Variants in ARFGAP3 observed in about 807,000 individuals in gnomAD.
ARFGAP3 encodes the protein ARF GTPase activating protein 3.
ARFGAP3 carries 72 observed loss-of-function variants against 75.0 expected under a neutral mutation model. The ratio of observed to expected loss-of-function variants is 0.96; its 90% CI spans 0.79 to 1.17. The LOEUF is 1.17. Among genes scored for constraint, ARFGAP3 ranks in the 50% most tolerant of loss-of-function variants. The probability of loss-of-function intolerance (pLI) is 0.00; values close to 1 mark genes in which losing one functional copy is unlikely to be tolerated. For missense variants in ARFGAP3, 620 were observed against 626.6 expected (o/e 0.99, Z 0.11); for synonymous variants, 221 against 217.9 (o/e 1.01, Z -0.13).
At chr22:42,822,533 G>GA in intron 8 of ARFGAP3, 124 bp from the exon 9 acceptor site, 4 of 1,213,700 alleles carry the variant, frequency 3.3e-6, no homozygotes, top group African/African-American at 1.5e-5. Context: ...TTGTTCTGTG[G>GA]CTTAGTCCTC....
intron 3 of ARFGAP3, 77 bp from the exon 4 acceptor site, chr22:42,835,570 C>T (rs1035305201): frequency 3.9e-6 from 6 of 1,556,412 alleles, no homozygotes; most frequent in East Asian, 4.7e-5. Context: ...GCCTGTAATC[C>T]CAGCACTCTG....
At chr22:42,807,343 C>T in intron 13 of ARFGAP3, 180 bp from the exon 14 acceptor site, 1 of 846,186 alleles carries the variant, frequency 1.2e-6, no homozygotes, top group Non-Finnish European at 1.4e-6. Flanking sequence ...TCATGTTCTG[C>T]ATGGGAGGCA....
Position 42,847,601 on chromosome 22 carries a change from C to T in ARFGAP3, c.101G>A (p.Ser34Asn). 1 of 1,612,770 alleles carries T rather than the reference C, an allele frequency of 6.2e-7. No homozygotes were observed. The highest frequency in any genetic ancestry group is 8.5e-7 in the Non-Finnish European group (1 of 1,179,438). Residue 34 changes from serine to asparagine, a missense_variant, in exon 2 of 16, where the codon AGC becomes AAC. By Grantham distance (46) the Ser-to-Asn change is conservative. Transcript: ENST00000263245. ...VCFDCGAKNP[S>N]WASITYGVFL... is the part of the protein sequence containing the mutation. Reference sequence around the variant, plus strand: ...CACTCCATAGGTTATGCTTGCCCAGCTGGGATTTTTGGCACCACAATCAAA... The same window carrying T: ...CACTCCATAGGTTATGCTTGCCCAGTTGGGATTTTTGGCACCACAATCAAA...
chr22:42,831,939 C>T (rs905822537), intron 5 of ARFGAP3, among the ~76,000 whole-genome samples: 12 of 152,148 alleles, frequency 7.9e-5, no homozygotes, highest in African/African-American at 2.6e-4. Flanking sequence ...TGTGCCACCA[C>T]GCCCAGCTAA....
chr22:42,812,224 C>CAA (rs3046479), intron 11 of ARFGAP3, among the ~76,000 whole-genome samples: 9,589 of 55,218 alleles, frequency 0.17, 1,506 homozygotes, highest in East Asian at 0.54. Context: ...GATACTGTCT[C>CAA]AAAAAAAAAA....
Position 42,797,406 on chromosome 22 carries a change from A to G in ARFGAP3, c.*182T>C. ...AGGAACGTGAAACAGAAATCACAGG[A>G]AAGCTCCTACATCAGAACTCAGAAT... On this transcript the variant is annotated 3_prime_UTR_variant, in exon 16 of 16. Transcript: ENST00000263245. 1.4e-6 allele frequency: 1 copy of G among 715,882 alleles called. No homozygotes were observed. The highest frequency in any genetic ancestry group is 1.9e-5 in the South Asian group (1 of 52,790). The allele number at this position is 715,882 out of a possible 1,614,324, so 44.3% of individuals were successfully genotyped here.
intron 6 of ARFGAP3, among the ~76,000 whole-genome samples, chr22:42,827,937 G>A (rs9611924): frequency 0.049 from 7,428 of 152,108 alleles, 288 homozygotes; most frequent in African/African-American, 0.11. Context: ...GAGCTACCGC[G>A]CCCAACCATA....
chr22:42,808,834 T>C lies in ARFGAP3; in HGVS notation c.1253A>G (p.Gln418Arg), dbSNP rs748331718. 6.2e-7 allele frequency: 1 copy of C among 1,613,904 alleles called. No homozygotes were observed. The highest frequency in any genetic ancestry group is 8.5e-7 in the Non-Finnish European group (1 of 1,179,846). ...GGCCTTGACATTGCCAAACTTCTTC[T>C]GGGCCTCATCTGTATTTTCAACTGG... ...YEPVENTDEA[Q>R]KKFGNVKAIS... Residue 418 changes from glutamine (Q) to arginine (R), a missense_variant, in exon 13 of 16, where the codon CAG (glutamine) becomes CGG (arginine). Gln to Arg is a conservative substitution (Grantham distance 43). Coordinates refer to ENST00000263245, the MANE Select transcript of ARFGAP3 (RefSeq NM_014570.5).
intron 13 of ARFGAP3, among the ~76,000 whole-genome samples, chr22:42,807,726 G>A (rs146951133): frequency 3.9e-5 from 6 of 152,032 alleles, no homozygotes; most frequent in East Asian, 1.9e-4. Context: ...GAGGAAAGAC[G>A]TAAACCTCCC....
rs1038679551 is a variant in ARFGAP3, at chr22:42,857,075, G to A, written c.69+39C>T. Reference sequence around the variant, plus strand: ...GCGGGGCCTCCCGCCGGTTCCCGCAGGGATGCCAGGCAGGCCCGCACTCGC... The same window carrying A: ...GCGGGGCCTCCCGCCGGTTCCCGCAAGGATGCCAGGCAGGCCCGCACTCGC... On this transcript the variant is annotated intron_variant, in intron 1 of 15. Coordinates refer to ENST00000263245, the MANE Select transcript of ARFGAP3 (RefSeq NM_014570.5). 8.1e-6 allele frequency: 12 copies of A among 1,483,764 alleles called. No individual in the cohort carries two copies. In the African/African-American group the frequency reaches 1.6e-4, roughly 20 times the overall value. The allele number at this position is 1,483,764 out of a possible 1,614,324, so 91.9% of individuals were successfully genotyped here. A position where few individuals can be genotyped will look rare whatever the true frequency, so the allele number is the denominator to read the frequency against.
At chr22:42,816,212 G>A (rs1925572749) in intron 11 of ARFGAP3, among the ~76,000 whole-genome samples, 1 of 152,200 alleles carries the variant, frequency 6.6e-6, no homozygotes, top group African/African-American at 2.4e-5. Flanking sequence ...TAAGAGCCAA[G>A]CACCATTCTA....
At chr22:42,813,851 T>C (rs1925471455) in intron 11 of ARFGAP3, among the ~76,000 whole-genome samples, 1 of 152,230 alleles carries the variant, frequency 6.6e-6, no homozygotes, top group Non-Finnish European at 1.5e-5. Flanking sequence ...CAGACTTTCC[T>C]TCCTCATCTC....
chr22:42,823,477 C>T (rs976321467), intron 8 of ARFGAP3, among the ~76,000 whole-genome samples, 179 bp downstream of exon 8: 2 of 151,820 alleles, frequency 1.3e-5, no homozygotes, highest in African/African-American at 2.4e-5. Flanking sequence ...AGAAAAAATT[C>T]AATAAGTATA....
At chr22:42,840,878 C>T in intron 3 of ARFGAP3, 66 bp downstream of exon 3, 2 of 1,541,168 alleles carry the variant, frequency 1.3e-6, no homozygotes, top group South Asian at 2.3e-5. Context: ...GCCTGAGCTT[C>T]TTTACTATTA....
chr22:42,831,501 G>A (rs370943427), intron 6 of ARFGAP3, 48 bp downstream of exon 6: 5 of 1,564,064 alleles, frequency 3.2e-6, no homozygotes, highest in Non-Finnish European at 4.4e-6. Context: ...TTCATAGCAT[G>A]CCACTGAACC....
In ARFGAP3 at chr22:42,817,764, TGAGTC is replaced by T; in HGVS notation, c.901_905del (p.Asp301ArgfsTer40). ...TTCCAAATCCCATGCCGAGTCTGTCTGAGTCAACATTTTTTTTGCCACTAATGTTC... is the reference window on the plus strand; with the variant it reads ...TTCCAAATCCCATGCCGAGTCTGTCTAACATTTTTTTTGCCACTAATGTTC... On this transcript the variant is annotated frameshift_variant, in exon 10 of 16. Transcript: ENST00000263245. LOFTEE classifies it high-confidence loss of function. 1.2e-6 allele frequency: 2 copies of T among 1,613,554 alleles called. No homozygotes were observed. The highest frequency in any genetic ancestry group is 8.5e-7 in the Non-Finnish European group (1 of 1,179,792).
At chr22:42,831,735 C>A in intron 5 of ARFGAP3, 99 bp from the exon 6 acceptor site, 2 of 1,558,448 alleles carry the variant, frequency 1.3e-6, no homozygotes, top group African/African-American at 1.4e-5. Flanking sequence ...TAAACAGCCA[C>A]ATTCTGAGTC....
chr22:42,847,372 G>A (rs951353969), intron 2 of ARFGAP3, 142 bp downstream of exon 2: 1 of 670,836 alleles, frequency 1.5e-6, no homozygotes, highest in African/African-American at 1.9e-5. Flanking sequence ...CTTGAGCCCA[G>A]TGAGCTATGA....
chr22:42,829,720 C>T (rs893056698), intron 6 of ARFGAP3, among the ~76,000 whole-genome samples: 1 of 152,134 alleles, frequency 6.6e-6, no homozygotes, highest in Admixed American at 6.5e-5. Context: ...TTTATGTCAT[C>T]AGATTTATTA....
Sources: allele counts gnomAD v4.1 joint callset (sites outside exome capture counted in the v4.1 genomes callset), GRCh38; gene constraint gnomAD v4.1.1; transcripts MANE v1.5; gene names NCBI Gene and HGNC (gene_info 2026-07-23, HGNC 2026-07-21).